CLEC1A: variants seen among roughly 807,000 people sequenced by gnomAD.
The protein encoded by CLEC1A is C-type lectin domain family 1 member A, also known as C-type lectin-like receptor-1.
In CLEC1A, 34 loss-of-function variants were observed where a neutral mutation model predicts 28.7. The ratio of observed to expected loss-of-function variants is 1.18; its 90% CI spans 0.90 to 1.57. The LOEUF is 1.57. Ranked by LOEUF, CLEC1A falls within the 40% of genes most tolerant of loss-of-function variation. The pLI is 0.00. For missense variants in CLEC1A, 385 were observed against 339.5 expected (o/e 1.13, Z -1.05); for synonymous variants, 116 against 121.0 (o/e 0.96, Z 0.27).
intron 2 of CLEC1A, among the ~76,000 whole-genome samples, chr12:10,083,981 T>A (rs1216401586): frequency 1.4e-5 from 2 of 140,994 alleles, no homozygotes; most frequent in Non-Finnish European, 3.1e-5. Context: ...ATTACCCCAA[T>A]CTGACAAAGA....
intron 1 of CLEC1A, among the ~76,000 whole-genome samples, 178 bp downstream of exon 1, chr12:10,098,630 G>A (rs1437232576): frequency 3.5e-5 from 5 of 144,534 alleles, no homozygotes; most frequent in African/African-American, 1.3e-4. Context: ...TTCTCTAAGT[G>A]TGGGAATTAT....
intron 1 of CLEC1A, chr12:10,092,320 G>A (rs908603573): frequency 1.7e-5 from 4 of 230,388 alleles, no homozygotes; most frequent in African/African-American, 7.1e-5. Flanking sequence ...AGACCAGCCT[G>A]AGCAACATAG....
chr12:10,073,084 A>C (rs184874489), intron 5 of CLEC1A, among the ~76,000 whole-genome samples: 1 of 152,126 alleles, frequency 6.6e-6, no homozygotes, highest in Non-Finnish European at 1.5e-5. Flanking sequence ...TATCTCAAAA[A>C]ACAATCAAAC....
chr12:10,073,225 T>G, intron 5 of CLEC1A, 68 bp downstream of exon 5: 3 of 1,164,402 alleles, frequency 2.6e-6, no homozygotes, highest in South Asian at 1.3e-5. Context: ...ACCAAATTCT[T>G]GAGCTCTATC....
Position 10,075,643 on chromosome 12 carries a change from C to G in CLEC1A, c.404G>C (p.Ser135Thr), listed in dbSNP as rs1345334876. The change falls in exon 4 of 6, where the codon AGC becomes ACC. Residue 135 changes from serine (S) to threonine (T), a missense_variant. Coordinates refer to ENST00000315330, the MANE Select transcript of CLEC1A (RefSeq NM_016511.4). ...LYNKAGAHRC[S>T]PCTEQWKWHG... The stretch of plus-strand genomic sequence containing the variant: ...CCATTTCCATTGTTCTGTACAAGGG[C>G]TGCACCTGTGTGCTTGGAAAAAAGC... 3 of 1,613,498 alleles carry G rather than the reference C, an allele frequency of 1.9e-6. No individual in the cohort carries two copies. Among genetic ancestry groups the G allele is most frequent in the Non-Finnish European group, 2.5e-6 (3 of 1,179,710 alleles).
At chr12:10,092,430 G>A (rs1180960931) in intron 1 of CLEC1A, 8 of 386,562 alleles carry the variant, frequency 2.1e-5, no homozygotes, top group East Asian at 1.2e-4. Context: ...ACCTGTAGTC[G>A]CAGCTACTCA....
At chr12:10,097,384 T>C (rs1191856474) in intron 1 of CLEC1A, among the ~76,000 whole-genome samples, 3 of 152,218 alleles carry the variant, frequency 2.0e-5, no homozygotes, top group African/African-American at 7.2e-5. Flanking sequence ...ATATCAGATA[T>C]GTTTATCTAA....
chr12:10,093,503 A>C (rs1412066927), intron 1 of CLEC1A, among the ~76,000 whole-genome samples: 1 of 151,920 alleles, frequency 6.6e-6, no homozygotes, highest in Non-Finnish European at 1.5e-5. Context: ...GAGAGTTGTC[A>C]GACTTAACCA....
At chr12:10,094,433 T>C (rs1947750313) in intron 1 of CLEC1A, among the ~76,000 whole-genome samples, 1 of 152,202 alleles carries the variant, frequency 6.6e-6, no homozygotes, top group East Asian at 1.9e-4. Context: ...CATGTCTTTA[T>C]ATAGAATGAT....
At chr12:10,083,131 T>C (rs1452610673) in intron 2 of CLEC1A, among the ~76,000 whole-genome samples, 1 of 152,248 alleles carries the variant, frequency 6.6e-6, no homozygotes, top group East Asian at 1.9e-4. Flanking sequence ...GCAGTCTGGC[T>C]CTAAGGAAGC....
chr12:10,088,408 T>C (rs1459357095), intron 2 of CLEC1A, among the ~76,000 whole-genome samples: 1 of 149,664 alleles, frequency 6.7e-6, no homozygotes, highest in Non-Finnish European at 1.5e-5. Context: ...TGCTCTTCTA[T>C]ATAACATTTT....
intron 2 of CLEC1A, among the ~76,000 whole-genome samples, chr12:10,084,027 C>T (rs1866426584): frequency 6.6e-6 from 1 of 152,086 alleles, no homozygotes; most frequent in Admixed American, 6.6e-5. Context: ...AACAAAGTCT[C>T]CAAGTAAGTT....
intron 1 of CLEC1A, among the ~76,000 whole-genome samples, chr12:10,091,145 T>C (rs1189255491): frequency 1.3e-5 from 2 of 152,168 alleles, no homozygotes; most frequent in African/African-American, 2.4e-5. Context: ...AGGTAATCTT[T>C]TCATGACTTT....
intron 2 of CLEC1A, among the ~76,000 whole-genome samples, chr12:10,083,429 C>T (rs1412394666): frequency 6.6e-6 from 1 of 152,182 alleles, no homozygotes; most frequent in African/African-American, 2.4e-5. Flanking sequence ...AAGGAGATAC[C>T]AGAGAAAAGT....
At chr12:10,090,269 A>G (rs886618689) in intron 1 of CLEC1A, among the ~76,000 whole-genome samples, 1 of 152,144 alleles carries the variant, frequency 6.6e-6, no homozygotes, top group African/African-American at 2.4e-5. Context: ...CCTATACATA[A>G]TACATTCTAG....
In CLEC1A at chr12:10,073,338, C is replaced by A. The variant is rs762634806; in HGVS notation, c.617G>T (p.Gly206Val). 1.2e-6 allele frequency: 2 copies of A among 1,613,994 alleles called. No individual in the cohort carries two copies. Among genetic ancestry groups the A allele is most frequent in the Admixed American group, 3.3e-5 (2 of 59,984 alleles). ...YWTGLLRPDS[G>V]KAWLWMDGTP... ...TCCATCCATCCACAGCCAGGCCTTG[C>A]CACTGTCAGGGCGCAAAAGCCCTGT... is the stretch of plus-strand genomic sequence containing the variant. Residue 206 changes from glycine to valine, a missense_variant, in exon 5 of 6, where the codon GGC becomes GTC. By Grantham distance (109) the Gly-to-Val change is moderately radical (BLOSUM62 -3). Transcript: ENST00000315330.
In CLEC1A at chr12:10,069,685, G is replaced by A. The variant is rs142398141; in HGVS notation, c.*1648C>T. ...CCTAATAAGTAAATCAGAATAAGAG[G>A]TCTAAAATCTTCATTTTCTAACCAC... On this transcript the variant is annotated 3_prime_UTR_variant, in exon 6 of 6. Transcript: ENST00000315330. 5.8e-4 allele frequency: 89 copies of A among 152,250 alleles called. No individual in the cohort carries two copies. Among genetic ancestry groups the A allele is most frequent in the African/African-American group, 2.1e-3 (89 of 41,552 alleles). 9.4% of individuals were successfully genotyped at this position (152,250 alleles called of 1,614,324 possible).
intron 3 of CLEC1A, among the ~76,000 whole-genome samples, chr12:10,079,205 G>T (rs1305838555): frequency 1.3e-5 from 2 of 152,102 alleles, no homozygotes; most frequent in East Asian, 1.9e-4. Flanking sequence ...GCATCAGTAG[G>T]CATTCAGTAA....
chr12:10,072,666 C>T (rs1461300866), intron 5 of CLEC1A, among the ~76,000 whole-genome samples: 1 of 148,896 alleles, frequency 6.7e-6, no homozygotes, highest in Non-Finnish European at 1.5e-5. Context: ...CTCTCTGTCT[C>T]TCCCTTCTCT....
Sources: allele counts gnomAD v4.1 joint callset (sites outside exome capture counted in the v4.1 genomes callset), GRCh38; gene constraint gnomAD v4.1.1; transcripts MANE v1.5; gene names NCBI Gene and HGNC (gene_info 2026-07-23, HGNC 2026-07-21).